BSCL2: variants seen among roughly 807,000 people sequenced by gnomAD.
BSCL2 encodes seipin.
A neutral mutation model predicts 57.4 loss-of-function variants in BSCL2; 41 were observed. That is an observed-to-expected ratio of 0.71 (90% CI 0.56 to 0.93). BSCL2 has a LOEUF of 0.93. Ranked by LOEUF, BSCL2 falls within the 40% of genes least tolerant of loss-of-function variation. The pLI, the probability that BSCL2 is intolerant of heterozygous loss-of-function variation, is 0.00. For missense variants in BSCL2, 539 were observed against 586.7 expected (o/e 0.92, Z 0.84); for synonymous variants, 237 against 227.3 (o/e 1.04, Z -0.38).
intron 2 of BSCL2, 119 bp from the exon 3 acceptor site, chr11:62,702,668 T>C (rs1312142752): frequency 2.6e-6 from 2 of 761,708 alleles, no homozygotes; most frequent in Non-Finnish European, 2.3e-6. Flanking sequence ...CAGGCACCCT[T>C]CTCTCTGTTA....
chr11:62,707,512 T>C, upstream of BSCL2: 1 of 628,972 alleles, frequency 1.6e-6, no homozygotes, highest in African/African-American at 1.8e-5. Context: ...GAGTCGGCCT[T>C]GGCCTCAGCT....
intron 2 of BSCL2, among the ~76,000 whole-genome samples, chr11:62,704,842 G>A (rs184245146): frequency 3.7e-4 from 56 of 152,296 alleles, no homozygotes; most frequent in East Asian, 1.9e-4. Flanking sequence ...GCAAGTTTAT[G>A]CGCCTACTCA....
Position 62,694,739 on chromosome 11 carries a change from A to G in BSCL2, c.487-28T>C, listed in dbSNP as rs764780659. ...GCCAAAGGTAGCCCCCATTTCTTTA[A>G]AAAAATTTTTTTGTTGAAAATGTAC... On this transcript the variant is annotated intron_variant, in intron 3 of 10. Transcript: ENST00000360796. The G allele has an allele frequency of 6.2e-6, 10 of 1,610,990 alleles. No homozygotes were observed. The East Asian group carries it at 2.2e-4, about 36-fold the overall frequency.
Position 62,707,241 on chromosome 11 carries a change from T to C in BSCL2, c.-46A>G, listed in dbSNP as rs376965340. 1.1e-4 allele frequency: 167 copies of C among 1,506,948 alleles called. 1 individual carries two copies. In the African/African-American group the frequency reaches 1.4e-3, roughly 13 times the overall value. The allele number at this position is 1,506,948 out of a possible 1,614,324, so 93.3% of individuals were successfully genotyped here. ...GACTCTGGATCTTCCACTGAGTCAC[T>C]TGTGGCTAAAACGTGAAGTGGCGAT... On this transcript the variant is annotated 5_prime_UTR_variant, in exon 1 of 11. Transcript: ENST00000360796.
intron 2 of BSCL2, among the ~76,000 whole-genome samples, chr11:62,703,047 C>T (rs1301757944): frequency 2.0e-5 from 3 of 151,678 alleles, no homozygotes; most frequent in South Asian, 2.1e-4. Flanking sequence ...CTACTCGGGA[C>T]GCTGAGGCAG....
upstream of BSCL2, chr11:62,708,554 G>C (rs1162806274): frequency 1.0e-5 from 14 of 1,399,480 alleles, no homozygotes; most frequent in Non-Finnish European, 1.3e-5. Flanking sequence ...CCTCTGGGGG[G>C]GATGAGGGAG....
intron 2 of BSCL2, among the ~76,000 whole-genome samples, chr11:62,704,016 G>T (rs1290374669): frequency 6.6e-6 from 1 of 151,448 alleles, no homozygotes; most frequent in Non-Finnish European, 1.5e-5. Flanking sequence ...AGTTACTTGG[G>T]AGGCTGAGGC....
At chr11:62,696,032 G>A (rs1348175159) in intron 3 of BSCL2, among the ~76,000 whole-genome samples, 1 of 152,068 alleles carries the variant, frequency 6.6e-6, no homozygotes, top group Non-Finnish European at 1.5e-5. Context: ...AATTAGCCGG[G>A]CGTGGTAGCA....
intron 3 of BSCL2, among the ~76,000 whole-genome samples, chr11:62,698,948 C>T (rs1013106546): frequency 1.3e-5 from 2 of 152,244 alleles, no homozygotes; most frequent in Middle Eastern, 6.8e-3. Context: ...GCTCTGTCGC[C>T]AGGCTGGAGT....
In BSCL2 at chr11:62,694,902, C is replaced by T. The variant is rs559217287; in HGVS notation, c.487-191G>A. On this transcript the variant is annotated intron_variant, in intron 3 of 10. Coordinates refer to ENST00000360796, the MANE Select transcript of BSCL2 (RefSeq NM_001122955.4). ...CCCTTCTGGTGGCTAGAGCCTCTCA[C>T]GTCCAGTTCTTGGGTATCCTGTTGG... is the stretch of plus-strand genomic sequence containing the variant. Among the ~76,000 whole-genome samples, 7 of 152,290 alleles carry T rather than the reference C, an allele frequency of 4.6e-5. No homozygotes were observed. In the East Asian group the frequency reaches 7.7e-4, roughly 17 times the overall value.
chr11:62,705,718 T>C (rs1195803699), intron 1 of BSCL2, 101 bp from the exon 2 acceptor site: 2 of 1,154,338 alleles, frequency 1.7e-6, no homozygotes, highest in Non-Finnish European at 2.4e-6. Flanking sequence ...GATAGCAGGA[T>C]AGCAAAGTCA....
rs1247824163 is a variant in BSCL2, at chr11:62,694,524, G to A, written c.630+44C>T. Reference sequence around the variant, plus strand: ...CCAGCCCCCTACCCATTCTGATCCTGCCATCTTCCTCCACACCTTCTCAGA... The same window carrying A: ...CCAGCCCCCTACCCATTCTGATCCTACCATCTTCCTCCACACCTTCTCAGA... On this transcript the variant is annotated intron_variant, in intron 4 of 10. Coordinates refer to ENST00000360796, the MANE Select transcript of BSCL2 (RefSeq NM_001122955.4). 2.5e-6 allele frequency: 4 copies of A among 1,613,044 alleles called. No individual in the cohort carries two copies. In the African/African-American group the frequency reaches 5.3e-5, roughly 22 times the overall value.
rs1384699552 is a variant in BSCL2 at position 62,692,939 on chromosome 11, CCT to C, written c.631-144_631-143del. On this transcript the variant is annotated intron_variant, in intron 4 of 10. Transcript: ENST00000360796. ...GGCTGCCTCACCTTCACTTCCTACC[CCT>C]CAGTCTCATCCAACCATTCCAATTG... 9.7e-6 allele frequency: 10 copies of C among 1,031,304 alleles called. No individual in the cohort carries two copies. The African/African-American group carries it at 1.4e-4, about 15-fold the overall frequency. 63.9% of individuals were successfully genotyped at this position (1,031,304 alleles called of 1,614,324 possible).
At chr11:62,692,554 T>A (rs1945341457) in intron 5 of BSCL2, 81 bp from the exon 6 acceptor site, 1 of 1,611,636 alleles carries the variant, frequency 6.2e-7, no homozygotes. Context: ...GAGCCCCACT[T>A]CCAGTCTCTC....
upstream of BSCL2, chr11:62,708,406 C>A (rs765943905): frequency 1.6e-5 from 26 of 1,585,506 alleles, no homozygotes; most frequent in South Asian, 2.7e-4. Context: ...TAGGTGGGAC[C>A]CTGGCTGGCT....
At chr11:62,694,075 G>A (rs1945380798) in intron 4 of BSCL2, among the ~76,000 whole-genome samples, 2 of 151,466 alleles carry the variant, frequency 1.3e-5, no homozygotes, top group East Asian at 2.0e-4. Flanking sequence ...CGGCCTCCCA[G>A]AGTGTTGGGA....
Position 62,705,348 on chromosome 11 carries a change from G to A in BSCL2, c.357C>T (p.Ser119=). The A allele has an allele frequency of 7.4e-6, 12 of 1,614,006 alleles. No homozygotes were observed. The highest frequency in any genetic ancestry group is 1.0e-5 in the Non-Finnish European group (12 of 1,179,952). ...TGAGGTGGCTGACTGTCGGCATATA[G>A]GAATAGTAGAAGGAGCCATAGAGGA... ...SVFLYGSFYY[S]YMPTVSHLSP... Residue 119 remains serine, a synonymous_variant, in exon 2 of 11, where the codon TCC becomes TCT. Coordinates refer to ENST00000360796, the MANE Select transcript of BSCL2 (RefSeq NM_001122955.4).
intron 2 of BSCL2, among the ~76,000 whole-genome samples, chr11:62,704,130 GA>G (rs1341507886): frequency 0.039 from 4,078 of 105,826 alleles, 69 homozygotes; most frequent in Non-Finnish European, 0.049. Flanking sequence ...GTCTCAAAAA[GA>G]AAAAAAAAAA....
chr11:62,693,733 T>C (rs1047489716), intron 4 of BSCL2, among the ~76,000 whole-genome samples: 1 of 152,144 alleles, frequency 6.6e-6, no homozygotes, highest in African/African-American at 2.4e-5. Context: ...GCTCCACTCT[T>C]CACACTTAAT....
Sources: gnomAD v4.1 joint callset for allele counts (sites outside exome capture counted in the v4.1 genomes callset) on GRCh38, gnomAD v4.1.1 for gene constraint, MANE v1.5 for transcripts, NCBI Gene and HGNC (gene_info 2026-07-23, HGNC 2026-07-21) for gene names.